USP14: variants seen among roughly 807,000 people sequenced by gnomAD.
The protein encoded by USP14 is ubiquitin carboxyl-terminal hydrolase 14.
In USP14, 38 loss-of-function variants were observed where a neutral mutation model predicts 76.5. That is an observed-to-expected ratio of 0.50 (90% CI 0.38 to 0.65). The LOEUF (loss-of-function observed/expected upper bound fraction) is 0.65, where lower values mean the gene tolerates loss of function less well. Ranked by LOEUF, USP14 falls within the 30% of genes least tolerant of loss-of-function variation. The pLI is 0.00. For synonymous variants in USP14, 192 were observed against 191.7 expected (o/e 1.00, Z -0.01); for missense variants, 467 against 586.5 (o/e 0.80, Z 2.10).
At position 214,570 on chromosome 18, in the gene USP14, ATGC is replaced by A. The variant is rs1211290812; in HGVS notation, c.*3291_*3293del. 2.1e-6 allele frequency: 3 copies of A among 1,445,298 alleles called. No homozygotes were observed. In the African/African-American group the frequency reaches 4.3e-5, roughly 21 times the overall value. 89.5% of individuals were successfully genotyped at this position (1,445,298 alleles called of 1,614,324 possible). A position where few individuals can be genotyped will look rare whatever the true frequency, so the allele number is the denominator to read the frequency against. On this transcript the variant is annotated 3_prime_UTR_variant, in exon 16 of 16. Coordinates refer to ENST00000261601, the MANE Select transcript of USP14 (RefSeq NM_005151.4). The stretch of plus-strand genomic sequence containing the variant: ...CCAAAACCAGTGGACCTCTTATCAA[ATGC>A]TGCTTGGTAACAAAATCTATCACAG...
chr18:191,024 A>G (rs1024942643), intron 5 of USP14, among the ~76,000 whole-genome samples: 1 of 152,164 alleles, frequency 6.6e-6, no homozygotes, highest in African/African-American at 2.4e-5. Context: ...AGAAATAGTT[A>G]CATATTCATG....
At chr18:199,797 G>T (rs1231172353) in intron 10 of USP14, among the ~76,000 whole-genome samples, 1 of 152,200 alleles carries the variant, frequency 6.6e-6, no homozygotes, top group Non-Finnish European at 1.5e-5. Flanking sequence ...ACAAGGTTAT[G>T]TATTGATTGG....
At chr18:166,703 A>T in intron 2 of USP14, 84 bp from the exon 3 acceptor site, 1 of 1,400,926 alleles carries the variant, frequency 7.1e-7, no homozygotes, top group Non-Finnish European at 9.8e-7. Context: ...TTCTGTTTTG[A>T]AGTACATTAA....
chr18:172,125 C>A (rs951585781), intron 3 of USP14, among the ~76,000 whole-genome samples: 1 of 152,118 alleles, frequency 6.6e-6, no homozygotes, highest in African/African-American at 2.4e-5. Flanking sequence ...GTAGTCCTAG[C>A]TACTCTGGAG....
intron 3 of USP14, among the ~76,000 whole-genome samples, chr18:167,539 A>T (rs1022034003): frequency 6.6e-6 from 1 of 151,702 alleles, no homozygotes; most frequent in East Asian, 1.9e-4. Context: ...ACAGGGTCTC[A>T]CTCTCACGTA....
chr18:169,797 T>G (rs1207013952), intron 3 of USP14, among the ~76,000 whole-genome samples: 3 of 152,204 alleles, frequency 2.0e-5, no homozygotes, highest in Non-Finnish European at 4.4e-5. Context: ...CTTGCAATAT[T>G]TGAAACATTT....
chr18:160,148 C>CA (rs1175529237), intron 1 of USP14, among the ~76,000 whole-genome samples: 8 of 151,994 alleles, frequency 5.3e-5, no homozygotes, highest in East Asian at 1.9e-4. Context: ...ACTAAAAATA[C>CA]AAAAAATCAG....
At chr18:162,711 T>G (rs1348265053) in intron 1 of USP14, among the ~76,000 whole-genome samples, 1 of 152,166 alleles carries the variant, frequency 6.6e-6, no homozygotes, top group Non-Finnish European at 1.5e-5. Context: ...AATATGATCA[T>G]ATTGTTGGAG....
chr18:169,038 C>T (rs1293430943), intron 3 of USP14, among the ~76,000 whole-genome samples: 1 of 151,474 alleles, frequency 6.6e-6, no homozygotes, highest in Non-Finnish European at 1.5e-5. Context: ...AATTGTGCCA[C>T]TGTACTCTAG....
intron 6 of USP14, 35 bp from the exon 7 acceptor site, chr18:196,600 ACT>A: frequency 6.3e-7 from 1 of 1,583,408 alleles, no homozygotes; most frequent in Non-Finnish European, 8.6e-7. Flanking sequence ...TAAATATGTG[ACT>A]GTTTTACTAA....
intron 3 of USP14, among the ~76,000 whole-genome samples, chr18:171,025 A>AAATATATATAT (rs1327304974): frequency 3.6e-4 from 17 of 47,644 alleles, no homozygotes; most frequent in African/African-American, 4.4e-4. Context: ...AAAAAAAAAA[A>AAATATATATAT]ATATATATAT....
chr18:166,963 G>C, intron 3 of USP14, 144 bp downstream of exon 3: 1 of 675,072 alleles, frequency 1.5e-6, no homozygotes, highest in South Asian at 2.9e-5. Context: ...CCATTGACTT[G>C]TGTTGGGCTC....
chr18:171,028 ATAT>A (rs1909443027), intron 3 of USP14, among the ~76,000 whole-genome samples: 10 of 55,732 alleles, frequency 1.8e-4, no homozygotes, highest in East Asian at 1.7e-3. Context: ...AAAAAAAAAT[ATAT>A]ATATATATAT....
At chr18:190,986 T>A (rs1161725365) in intron 5 of USP14, among the ~76,000 whole-genome samples, 1 of 152,148 alleles carries the variant, frequency 6.6e-6, no homozygotes, top group African/African-American at 2.4e-5. Context: ...AGGTTGATAA[T>A]TCATTAGTAT....
At chr18:188,773 G>C (rs1289183269) in intron 5 of USP14, among the ~76,000 whole-genome samples, 1 of 151,692 alleles carries the variant, frequency 6.6e-6, no homozygotes, top group Non-Finnish European at 1.5e-5. Context: ...CGCCTCCTGG[G>C]TTCGAGCGAT....
At chr18:209,906 T>C (rs1910624796) in intron 13 of USP14, 65 bp from the exon 14 acceptor site, 1 of 1,281,416 alleles carries the variant, frequency 7.8e-7, no homozygotes, top group Admixed American at 2.0e-5. Context: ...AATTGAACAC[T>C]TACAGAGAAT....
At chr18:209,581 T>G (rs542413029) in intron 13 of USP14, among the ~76,000 whole-genome samples, 2 of 152,334 alleles carry the variant, frequency 1.3e-5, no homozygotes, top group Admixed American at 1.3e-4. Context: ...AATTCTTGTT[T>G]TAGAGGTAGT....
chr18:196,189 T>C (rs903599963), intron 6 of USP14, among the ~76,000 whole-genome samples: 4 of 151,578 alleles, frequency 2.6e-5, no homozygotes, highest in African/African-American at 9.7e-5. Context: ...CCAGGCATGG[T>C]GGCATGCTCC....
intron 3 of USP14, 131 bp from the exon 4 acceptor site, chr18:178,802 T>G: frequency 1.7e-6 from 1 of 594,672 alleles, no homozygotes; most frequent in Non-Finnish European, 2.9e-6. Flanking sequence ...CTAATCTACT[T>G]TCTGCAGATT....
Sources: gnomAD v4.1 joint callset for allele counts (sites outside exome capture counted in the v4.1 genomes callset) on GRCh38, gnomAD v4.1.1 for gene constraint, MANE v1.5 for transcripts, NCBI Gene and HGNC (gene_info 2026-07-23, HGNC 2026-07-21) for gene names.